The following RAB31 variants were observed in gnomAD, a reference collection of about 807,000 sequenced individuals.
RAB31 encodes the protein ras-related protein Rab-31.
RAB31 carries 21 observed loss-of-function variants against 25.6 expected under a neutral mutation model. The ratio of observed to expected loss-of-function variants is 0.82; its 90% CI spans 0.58 to 1.18. RAB31 has a LOEUF of 1.18. Ranked by LOEUF, RAB31 falls within the 50% of genes most tolerant of loss-of-function variation. The probability of loss-of-function intolerance (pLI) is 0.00; values close to 1 mark genes in which losing one functional copy is unlikely to be tolerated. For missense variants in RAB31, 196 were observed against 250.1 expected (o/e 0.78, Z 1.46); for synonymous variants, 87 against 84.0 (o/e 1.04, Z -0.20).
chr18:9,721,333 G>A (rs544023633), intron 1 of RAB31, among the ~76,000 whole-genome samples: 4 of 152,132 alleles, frequency 2.6e-5, no homozygotes, highest in Non-Finnish European at 5.9e-5. Flanking sequence ...GGGGTCGACC[G>A]GGGACAGTGG....
At chr18:9,852,797 T>G (rs920866645) in intron 6 of RAB31, among the ~76,000 whole-genome samples, 3 of 152,218 alleles carry the variant, frequency 2.0e-5, no homozygotes, top group African/African-American at 7.2e-5. Context: ...CTTTCTAAGA[T>G]TAGAATGCCA....
intron 2 of RAB31, among the ~76,000 whole-genome samples, chr18:9,783,554 T>G (rs199689746): frequency 3.0e-5 from 3 of 99,034 alleles, no homozygotes; most frequent in Admixed American, 1.3e-4. Flanking sequence ...CTGACTAACA[T>G]CAAAAGTGAA....
intron 5 of RAB31, among the ~76,000 whole-genome samples, chr18:9,829,825 C>T (rs1257391775): frequency 2.0e-5 from 3 of 151,880 alleles, no homozygotes; most frequent in Non-Finnish European, 2.9e-5. Context: ...TGTGAAGTGC[C>T]TGTTCAAATC....
chr18:9,819,854 G>T (rs1340561414), intron 5 of RAB31, among the ~76,000 whole-genome samples: 2 of 151,724 alleles, frequency 1.3e-5, no homozygotes, highest in African/African-American at 4.8e-5. Context: ...CTTATTTATG[G>T]CATTGCTTGT....
At chr18:9,782,655 T>A (rs186876104) in intron 2 of RAB31, among the ~76,000 whole-genome samples, 131 of 151,838 alleles carry the variant, frequency 8.6e-4, no homozygotes, top group African/African-American at 3.1e-3. Flanking sequence ...CCTCCACCAG[T>A]TTGGAGGGTA....
intron 1 of RAB31, among the ~76,000 whole-genome samples, chr18:9,721,043 T>C (rs2068071335): frequency 6.6e-6 from 1 of 152,152 alleles, no homozygotes; most frequent in South Asian, 2.1e-4. Context: ...GGTGACCTCT[T>C]CATGGGGTGA....
chr18:9,743,961 A>G (rs2068192808), intron 1 of RAB31, among the ~76,000 whole-genome samples: 2 of 152,144 alleles, frequency 1.3e-5, no homozygotes, highest in South Asian at 4.1e-4. Context: ...TACCTCCTCT[A>G]TATGACCCTG....
intron 3 of RAB31, among the ~76,000 whole-genome samples, chr18:9,805,441 C>A (rs2068535370): frequency 6.6e-6 from 1 of 152,162 alleles, no homozygotes; most frequent in Admixed American, 6.5e-5. Context: ...TCTTCAGAGC[C>A]AGCAGAGTAG....
intron 1 of RAB31, among the ~76,000 whole-genome samples, chr18:9,763,600 T>A (rs868719727): frequency 7.1e-6 from 1 of 141,702 alleles, no homozygotes; most frequent in African/African-American, 2.6e-5. Flanking sequence ...AAGAAAAAAA[T>A]TATATATATA....
At chr18:9,805,894 A>T (rs553382715) in intron 3 of RAB31, among the ~76,000 whole-genome samples, 1 of 151,122 alleles carries the variant, frequency 6.6e-6, no homozygotes, top group South Asian at 2.1e-4. Context: ...CTGTGTGTCG[A>T]CTGGGCGCAG....
rs537664570 is a variant in RAB31 at position 9,841,081 on chromosome 18, C to T, written c.381-4501C>T. Reference sequence around the variant, plus strand: ...GAGTAGCTGAGTCCACAAGCACACACCATCACACCTGGCTAATTTTTCCTA... The same window carrying T: ...GAGTAGCTGAGTCCACAAGCACACATCATCACACCTGGCTAATTTTTCCTA... On this transcript the variant is annotated intron_variant, in intron 5 of 6. Transcript: ENST00000578921. Among the ~76,000 whole-genome samples the T allele has an allele frequency of 3.3e-5, 5 of 152,202 alleles. No homozygotes were observed. In the East Asian group the frequency reaches 9.8e-4, roughly 30 times the overall value.
intron 1 of RAB31, among the ~76,000 whole-genome samples, chr18:9,761,550 G>GA (rs1185596245): frequency 6.6e-6 from 1 of 152,166 alleles, no homozygotes; most frequent in African/African-American, 2.4e-5. Flanking sequence ...CGGGCTGGGG[G>GA]ATCTCTTACA....
intron 4 of RAB31, 133 bp from the exon 5 acceptor site, chr18:9,814,983 G>C: frequency 1.6e-6 from 1 of 606,920 alleles, no homozygotes; most frequent in Non-Finnish European, 2.9e-6. Context: ...CCTAGACAGA[G>C]GTAGTATGTT....
chr18:9,838,615 T>G (rs2068716492), intron 5 of RAB31, among the ~76,000 whole-genome samples: 1 of 152,170 alleles, frequency 6.6e-6, no homozygotes, highest in African/African-American at 2.4e-5. Context: ...GCCAGGTTAC[T>G]TCCACAAACA....
At chr18:9,770,698 A>C (rs767954981) in intron 1 of RAB31, among the ~76,000 whole-genome samples, 1 of 152,134 alleles carries the variant, frequency 6.6e-6, no homozygotes, top group Non-Finnish European at 1.5e-5. Flanking sequence ...GGTTTATTCT[A>C]ATGTCTCCCC....
At chr18:9,800,253 G>T (rs2143046401) in intron 3 of RAB31, among the ~76,000 whole-genome samples, 1 of 152,166 alleles carries the variant, frequency 6.6e-6, no homozygotes, top group South Asian at 2.1e-4. Context: ...GCCCCTCCTG[G>T]GTTCTCTTGC....
intron 6 of RAB31, among the ~76,000 whole-genome samples, chr18:9,846,259 T>C (rs2068761493): frequency 6.6e-6 from 1 of 152,236 alleles, no homozygotes; most frequent in Non-Finnish European, 1.5e-5. Flanking sequence ...TTATGCTCAC[T>C]GTATGCCGGC....
chr18:9,772,127 G>T (rs2068348416), intron 1 of RAB31, among the ~76,000 whole-genome samples: 1 of 152,136 alleles, frequency 6.6e-6, no homozygotes, highest in Non-Finnish European at 1.5e-5. Flanking sequence ...TGATTTGTTG[G>T]CTGCTTTGAG....
intron 1 of RAB31, among the ~76,000 whole-genome samples, chr18:9,724,292 A>AC (rs1436884669): frequency 3.7e-4 from 53 of 143,528 alleles, no homozygotes; most frequent in African/African-American, 1.3e-3. Flanking sequence ...AAAAAACAAA[A>AC]AAAAAACATT....
Sources: gnomAD v4.1 joint callset for allele counts (sites outside exome capture counted in the v4.1 genomes callset) on GRCh38, gnomAD v4.1.1 for gene constraint, MANE v1.5 for transcripts, NCBI Gene and HGNC (gene_info 2026-07-23, HGNC 2026-07-21) for gene names.